The following MRE11 variants were observed in gnomAD, a reference collection of about 807,000 sequenced individuals.
The protein encoded by MRE11 is MRE11 double strand break repair nuclease.
In MRE11, 62 loss-of-function variants were observed where a neutral mutation model predicts 91.7. The ratio of observed to expected loss-of-function variants is 0.68; its 90% CI spans 0.55 to 0.84. The LOEUF (loss-of-function observed/expected upper bound fraction) is 0.84. MRE11 is among the 40% of genes least tolerant of loss of function. The pLI is 0.00. For synonymous variants in MRE11, 273 were observed against 271.4 expected (o/e 1.01, Z -0.06); for missense variants, 796 against 852.9 (o/e 0.93, Z 0.83).
intron 14 of MRE11, among the ~76,000 whole-genome samples, chr11:94,453,833 T>C (rs928331603): frequency 5.3e-5 from 8 of 152,110 alleles, no homozygotes; most frequent in South Asian, 2.1e-4. Context: ...CCACCTCAAA[T>C]TGAGGTAGAA....
rs1591695560 is a variant in MRE11, at chr11:94,471,740, T to C, written c.679A>G (p.Asn227Asp). 2 of 1,611,722 alleles carry C rather than the reference T, an allele frequency of 1.2e-6. No individual in the cohort carries two copies. Among genetic ancestry groups the C allele is most frequent in the African/African-American group, 1.3e-5 (1 of 74,846 alleles). The change falls in exon 8 of 20, where the codon AAC becomes GAC. Residue 227 changes from asparagine (N) to aspartate (D), a missense_variant. By Grantham distance (23) the Asn-to-Asp change is conservative. Transcript: ENST00000323929. ...TCCAAAAATTGTTCTGGAATGAAGT[T>C]AGTACTTCCATGTTTACTCCTGTAT... ...HQNRSKHGST[N>D]FIPEQFLDDF... is the part of the protein sequence containing the mutation.
Position 94,467,857 on chromosome 11 carries a change from G to A in MRE11, c.1054C>T (p.Leu352=). 1 of 1,613,706 alleles carries A rather than the reference G, an allele frequency of 6.2e-7. No individual in the cohort carries two copies. The highest frequency in any genetic ancestry group is 8.5e-7 in the Non-Finnish European group (1 of 1,179,814). The part of the protein sequence containing the change: ...EMLENAERER[L]GNSHQPEKPL... ...TTCTCTGGCTGGTGAGAATTACCCA[G>A]ACGTTCCCGTTCAGCATTTTCAAGC... The change falls in exon 10 of 20, where the codon CTG becomes TTG. Residue 352 remains leucine (L), a synonymous_variant. Coordinates refer to ENST00000323929, the MANE Select transcript of MRE11 (RefSeq NM_005591.4).
chr11:94,428,094 A>G (rs563870042), intron 19 of MRE11, among the ~76,000 whole-genome samples: 1 of 152,340 alleles, frequency 6.6e-6, no homozygotes, highest in South Asian at 2.1e-4. Flanking sequence ...AGCAACCCTA[A>G]GCAAAAAGAA....
chr11:94,447,175 A>G, intron 15 of MRE11, 44 bp downstream of exon 15: 1 of 1,569,878 alleles, frequency 6.4e-7, no homozygotes, highest in South Asian at 1.1e-5. Context: ...TTTTCCACTC[A>G]ACTGCCAAGT....
At chr11:94,459,166 C>G (rs909809051) in intron 13 of MRE11, among the ~76,000 whole-genome samples, 6 of 152,268 alleles carry the variant, frequency 3.9e-5, no homozygotes, top group African/African-American at 1.4e-4. Context: ...TTCAAAGGAT[C>G]TTTAAGAGAA....
At chr11:94,505,857 C>T in the MRE11 span, among the ~76,000 whole-genome samples, 2 of 152,186 alleles carry the variant, frequency 1.3e-5, no homozygotes, top group Non-Finnish European at 2.9e-5. Flanking sequence ...ACCGTACCGT[C>T]TCTATGTTTA....
chr11:94,478,445 A>C lies in MRE11; in HGVS notation c.544+290T>G, dbSNP rs115630811. 2.8e-3 allele frequency among the ~76,000 whole-genome samples: 433 copies of C among 152,280 alleles called. 2 individuals are homozygous for C. The highest frequency in any genetic ancestry group is 0.01 in the African/African-American group (419 of 41,560). On this transcript the variant is annotated intron_variant, in intron 6 of 19. Transcript: ENST00000323929. The stretch of plus-strand genomic sequence containing the variant: ...GCGGTATTGTACAGTGAAGCATTAG[A>C]CCTTTCAAAGACTTCCAAGATATCA...
At chr11:94,468,164 TAAGG>T in intron 9 of MRE11, among the ~76,000 whole-genome samples, 3 of 152,206 alleles carry the variant, frequency 2.0e-5, no homozygotes, top group African/African-American at 7.2e-5. Context: ...CATGTTTCAA[TAAGG>T]CTTTCCTCAG....
chr11:94,503,463 G>T, the MRE11 span, among the ~76,000 whole-genome samples: 1 of 152,076 alleles, frequency 6.6e-6, no homozygotes, highest in Non-Finnish European at 1.5e-5. Flanking sequence ...GCCAAGGTGG[G>T]CAGATCACAA....
intron 14 of MRE11, among the ~76,000 whole-genome samples, chr11:94,455,469 G>A (rs1404736436): frequency 6.6e-6 from 1 of 151,866 alleles, no homozygotes; most frequent in African/African-American, 2.4e-5. Flanking sequence ...ACAGTACATA[G>A]TTTATAACTT....
At chr11:94,507,286 T>C in the MRE11 span, among the ~76,000 whole-genome samples, 1 of 152,360 alleles carries the variant, frequency 6.6e-6, no homozygotes, top group Non-Finnish European at 1.5e-5. Context: ...ATTTCTCCAT[T>C]TCTGCATGTA....
At chr11:94,485,177 C>G (rs1422870151) in intron 4 of MRE11, among the ~76,000 whole-genome samples, 5 of 152,062 alleles carry the variant, frequency 3.3e-5, no homozygotes, top group Admixed American at 3.3e-4. Context: ...TTGCTTGAAC[C>G]CAGGAGGCAG....
chr11:94,495,126 G>A (rs1047626428), upstream of MRE11, among the ~76,000 whole-genome samples: 14 of 152,286 alleles, frequency 9.2e-5, no homozygotes, highest in Admixed American at 3.9e-4. Flanking sequence ...CTGGACATGA[G>A]TAATACATTT....
Position 94,418,769 on chromosome 11 carries a change from C to T in MRE11, c.*1356G>A, listed in dbSNP as rs994691891. 1 of 232,102 alleles carries T rather than the reference C, an allele frequency of 4.3e-6. No homozygotes were observed. The highest frequency in any genetic ancestry group is 2.2e-5 in the African/African-American group (1 of 45,296). 14.4% of individuals were successfully genotyped at this position (232,102 alleles called of 1,614,324 possible). On this transcript the variant is annotated 3_prime_UTR_variant, in exon 20 of 20. Coordinates refer to ENST00000323929, the MANE Select transcript of MRE11 (RefSeq NM_005591.4). ...AGTTAATGTTACTTGCTCAAATAACCCTTATGCTCAAGTTAGGTACAGAAA... is the reference window on the plus strand; with the variant it reads ...AGTTAATGTTACTTGCTCAAATAACTCTTATGCTCAAGTTAGGTACAGAAA...
At chr11:94,452,349 A>C (rs1946132820) in intron 14 of MRE11, among the ~76,000 whole-genome samples, 1 of 152,198 alleles carries the variant, frequency 6.6e-6, no homozygotes, top group African/African-American at 2.4e-5. Context: ...TATGAACTGA[A>C]AACAACAGTA....
intron 4 of MRE11, among the ~76,000 whole-genome samples, chr11:94,485,126 G>A (rs184449086): frequency 2.7e-5 from 4 of 149,752 alleles, no homozygotes; most frequent in Admixed American, 6.6e-5. Context: ...CCAACTACTC[G>A]CCTGTAATCC....
chr11:94,437,250 A>G lies in MRE11; in HGVS notation c.1868-15T>C. The G allele has an allele frequency of 6.2e-7, 1 of 1,610,940 alleles. No individual in the cohort carries two copies. Among genetic ancestry groups the G allele is most frequent in the Non-Finnish European group, 8.5e-7 (1 of 1,177,942 alleles). On this transcript the variant is annotated splice_polypyrimidine_tract_variant and intron_variant, in intron 16 of 19. Transcript: ENST00000323929. ...AGATTTAAAGGCTAGAATGAAAAAGATGAAATGTGCATTATGTTATTCTTA... is the reference window on the plus strand; with the variant it reads ...AGATTTAAAGGCTAGAATGAAAAAGGTGAAATGTGCATTATGTTATTCTTA...
At chr11:94,463,964 A>C (rs1591680240) in intron 11 of MRE11, 149 bp downstream of exon 11, 1 of 856,784 alleles carries the variant, frequency 1.2e-6, no homozygotes, top group East Asian at 2.7e-5. Flanking sequence ...AATTTTTAGA[A>C]GACAAGAGAA....
chr11:94,511,140 G>A, the MRE11 span, among the ~76,000 whole-genome samples: 23 of 152,224 alleles, frequency 1.5e-4, no homozygotes, highest in Admixed American at 3.9e-4. Context: ...AAAAAGGAAC[G>A]CAACCTTTCC....
Sources: allele counts gnomAD v4.1 joint callset (sites outside exome capture counted in the v4.1 genomes callset), GRCh38; gene constraint gnomAD v4.1.1; transcripts MANE v1.5; gene names NCBI Gene and HGNC (gene_info 2026-07-23, HGNC 2026-07-21).